The following NPHP4 variants were observed in gnomAD, a reference collection of about 807,000 sequenced individuals.
The protein encoded by NPHP4 is nephrocystin 4, also known as nephrocystin-4.
Under a neutral mutation model 155.8 loss-of-function variants are expected in NPHP4, and 151 were observed. The ratio of observed to expected loss-of-function variants is 0.97; its 90% CI spans 0.85 to 1.11. The LOEUF (loss-of-function observed/expected upper bound fraction) is 1.11. Ranked by LOEUF, NPHP4 falls within the 50% of genes least tolerant of loss-of-function variation. The pLI is 0.00. For synonymous variants in NPHP4, 845 were observed against 816.8 expected (o/e 1.03, Z -0.59); for missense variants, 1,956 against 1,925.7 (o/e 1.02, Z -0.29).
At chr1:5,930,317 G>A (rs1232683938) in intron 10 of NPHP4, among the ~76,000 whole-genome samples, 1 of 152,020 alleles carries the variant, frequency 6.6e-6, no homozygotes, top group East Asian at 1.9e-4. Flanking sequence ...GGTTTCTGCT[G>A]TTATTGACTT....
At chr1:5,920,275 G>A (rs992905987) in intron 11 of NPHP4, among the ~76,000 whole-genome samples, 1 of 151,770 alleles carries the variant, frequency 6.6e-6, no homozygotes, top group Non-Finnish European at 1.5e-5. Flanking sequence ...TACCCAGGCT[G>A]ATCTCGAACT....
chr1:5,937,100 C>T (rs565010273), intron 9 of NPHP4, among the ~76,000 whole-genome samples: 5 of 152,278 alleles, frequency 3.3e-5, no homozygotes, highest in African/African-American at 1.2e-4. Flanking sequence ...ACAGAACCTC[C>T]GGAGGAACTC....
chr1:5,868,291 G>C (rs1557595630), intron 23 of NPHP4: 1 of 344,074 alleles, frequency 2.9e-6, no homozygotes, highest in Non-Finnish European at 5.7e-6. Context: ...TGGAGTGGGT[G>C]GTGGCAGGGC....
chr1:5,972,732 T>C (rs750689311), intron 3 of NPHP4, among the ~76,000 whole-genome samples: 1 of 152,160 alleles, frequency 6.6e-6, no homozygotes, highest in African/African-American at 2.4e-5. Context: ...TGCAAATTAA[T>C]TTAATTTCTT....
At position 5,952,967 on chromosome 1, in the gene NPHP4, A is replaced by G. The variant is rs1350364070; in HGVS notation, c.674-131T>C. On this transcript the variant is annotated intron_variant, in intron 6 of 29. Transcript: ENST00000378156. Reference sequence around the variant, plus strand: ...CGAAGGGTGCTCGGGACTCCCAGACAGAGCACAAGGCCCAAGCCAAGCCTC... The same window carrying G: ...CGAAGGGTGCTCGGGACTCCCAGACGGAGCACAAGGCCCAAGCCAAGCCTC... 4.4e-5 allele frequency: 33 copies of G among 743,788 alleles called. No homozygotes were observed. The Admixed American group carries it at 1.0e-3, about 23-fold the overall frequency. 46.1% of individuals were successfully genotyped at this position (743,788 alleles called of 1,614,324 possible).
chr1:5,959,090 G>A (rs1371603419), intron 6 of NPHP4, among the ~76,000 whole-genome samples: 10 of 151,930 alleles, frequency 6.6e-5, no homozygotes, highest in African/African-American at 1.9e-4. Context: ...CTTTCTCTCC[G>A]AAAGGCGCAT....
At position 5,905,870 on chromosome 1, in the gene NPHP4, G is replaced by T; in HGVS notation, c.1612-87C>A. Reference sequence around the variant, plus strand: ...GTGCTCAGATCTAAGGGGATTCATCGATTAATTGCCTCTGGAGGGTTGCCA... The same window carrying T: ...GTGCTCAGATCTAAGGGGATTCATCTATTAATTGCCTCTGGAGGGTTGCCA... On this transcript the variant is annotated intron_variant, in intron 13 of 29. Coordinates refer to ENST00000378156, the MANE Select transcript of NPHP4 (RefSeq NM_015102.5). This position sits in a 1 kb window ranked among gnomAD's most constrained non-coding sequence, Gnocchi z 4.0. 2 of 1,295,446 alleles carry T rather than the reference G, an allele frequency of 1.5e-6. No individual in the cohort carries two copies. Among genetic ancestry groups the T allele is most frequent in the Non-Finnish European group, 2.1e-6 (2 of 939,068 alleles). The allele number at this position is 1,295,446 out of a possible 1,614,324, so 80.2% of individuals were successfully genotyped here. A position where few individuals can be genotyped will look rare whatever the true frequency, so the allele number is the denominator to read the frequency against.
intron 16 of NPHP4, among the ~76,000 whole-genome samples, chr1:5,904,087 C>G (rs558965929): frequency 1.3e-5 from 2 of 152,308 alleles, no homozygotes; most frequent in Non-Finnish European, 2.9e-5. Flanking sequence ...GGACGCTCTA[C>G]AGTACAATGT....
chr1:5,948,956 T>A (rs1647361559), intron 7 of NPHP4, among the ~76,000 whole-genome samples: 2 of 152,230 alleles, frequency 1.3e-5, no homozygotes, highest in African/African-American at 4.8e-5. Context: ...AAAATGATCC[T>A]CAAATTTTCA....
chr1:5,980,171 C>T (rs1351698737), intron 2 of NPHP4, among the ~76,000 whole-genome samples: 1 of 152,102 alleles, frequency 6.6e-6, no homozygotes, highest in African/African-American at 2.4e-5. Flanking sequence ...AGTCTCTGCC[C>T]ATGCCTCCCT....
Position 5,874,567 on chromosome 1 carries a change from G to T in NPHP4, c.3135C>A (p.Gly1045=). ...GCAGGTAGAGCTGGGGGGCCAGGCTGCCACGCAGGTGGAACATGTCCTCCT... is the reference window on the plus strand; with the variant it reads ...GCAGGTAGAGCTGGGGGGCCAGGCTTCCACGCAGGTGGAACATGTCCTCCT... The part of the protein sequence containing the change: ...PVEEDMFHLR[G]SLAPQLYLRP... Residue 1045 remains glycine (G), a synonymous_variant, in exon 22 of 30, where the codon GGC becomes GGA. Transcript: ENST00000378156. 1.2e-6 allele frequency: 2 copies of T among 1,607,910 alleles called. No homozygotes were observed. Among genetic ancestry groups the T allele is most frequent in the Non-Finnish European group, 1.7e-6 (2 of 1,177,706 alleles).
At chr1:5,898,495 G>A (rs1203313058) in intron 16 of NPHP4, among the ~76,000 whole-genome samples, 3 of 152,208 alleles carry the variant, frequency 2.0e-5, no homozygotes, top group South Asian at 2.1e-4. Context: ...TAGGACCAGC[G>A]TGCAGGGCCT....
chr1:5,927,536 G>C, intron 11 of NPHP4, 113 bp downstream of exon 11: 1 of 1,183,650 alleles, frequency 8.4e-7, no homozygotes, highest in Non-Finnish European at 1.2e-6. Context: ...AATCTACGAC[G>C]ATTATCTTAC....
Position 5,986,154 on chromosome 1 carries a change from CCTG to C in NPHP4, c.133_135del (p.Gln45del). The C allele has an allele frequency of 1.2e-6, 2 of 1,613,850 alleles. No individual in the cohort carries two copies. The highest frequency in any genetic ancestry group is 1.6e-4 in the Middle Eastern group (1 of 6,062). ...CATTTGCTAACAGCACATTTTGTTA[CCTG>C]CCTAATTACCGGTCCGTCCAGCCAC... On this transcript the variant is annotated inframe_deletion and splice_region_variant, in exon 2 of 30. Coordinates refer to ENST00000378156, the MANE Select transcript of NPHP4 (RefSeq NM_015102.5).
chr1:5,957,894 T>C (rs866318122), intron 6 of NPHP4, among the ~76,000 whole-genome samples: 5 of 152,250 alleles, frequency 3.3e-5, no homozygotes, highest in African/African-American at 1.2e-4. Context: ...GTGGTTAGAT[T>C]TGAGGTCTGC....
At chr1:5,943,409 G>A (rs549939138) in intron 9 of NPHP4, among the ~76,000 whole-genome samples, 17 of 152,228 alleles carry the variant, frequency 1.1e-4, no homozygotes, top group African/African-American at 3.9e-4. Flanking sequence ...TAGCCTCCTC[G>A]TCTGTGCATA....
chr1:5,888,305 A>T (rs1332726032), intron 17 of NPHP4: 1 of 983,848 alleles, frequency 1.0e-6, no homozygotes, highest in East Asian at 1.1e-4. Context: ...GCTGTGCCCC[A>T]GGCGTGGCTG....
chr1:5,943,653 G>A (rs1474004062), intron 9 of NPHP4, among the ~76,000 whole-genome samples: 1 of 152,246 alleles, frequency 6.6e-6, no homozygotes, highest in Admixed American at 6.5e-5. Flanking sequence ...CCCAGCTCAT[G>A]CAGGAAGACG....
In NPHP4 at chr1:5,867,198, G is replaced by C. The variant is rs1429633043; in HGVS notation, c.3473-83C>G. 7 of 1,052,974 alleles carry C rather than the reference G, an allele frequency of 6.6e-6. No homozygotes were observed. The highest frequency in any genetic ancestry group is 1.0e-5 in the Non-Finnish European group (7 of 702,102). 65.2% of individuals were successfully genotyped at this position (1,052,974 alleles called of 1,614,324 possible). ...AGGCCCCACACATTACACACTATAGGACAGGACAGGCTCGTCACAGGTGCT... is the reference window on the plus strand; with the variant it reads ...AGGCCCCACACATTACACACTATAGCACAGGACAGGCTCGTCACAGGTGCT... On this transcript the variant is annotated intron_variant, in intron 24 of 29. Coordinates refer to ENST00000378156, the MANE Select transcript of NPHP4 (RefSeq NM_015102.5). This position sits in a 1 kb window ranked among gnomAD's most constrained non-coding sequence, Gnocchi z 4.1.
Sources: gnomAD v4.1 joint callset for allele counts (sites outside exome capture counted in the v4.1 genomes callset) on GRCh38, gnomAD v4.1.1 for gene constraint, Gnocchi (gnomAD v3.1) non-coding constraint, MANE v1.5 for transcripts, NCBI Gene and HGNC (gene_info 2026-07-23, HGNC 2026-07-21) for gene names.